The following CAMK1D variants were observed in gnomAD, a reference collection of about 807,000 sequenced individuals.
CAMK1D encodes calcium/calmodulin dependent protein kinase ID.
A neutral mutation model predicts 47.7 loss-of-function variants in CAMK1D; 9 were observed. The observed-to-expected ratio is 0.19, with a 90% confidence interval of 0.11 to 0.33. The LOEUF is 0.33. Among genes scored for constraint, CAMK1D ranks in the 10% least tolerant of loss-of-function variants. The pLI is 1.00. For synonymous variants in CAMK1D, 184 were observed against 184.9 expected, an observed-to-expected ratio of 0.99 and a Z score of 0.04; for missense variants, 291 against 488.7, an observed-to-expected ratio of 0.60 and a Z score of 3.81.
intron 3 of CAMK1D, among the ~76,000 whole-genome samples, chr10:12,704,543 T>A (rs578150102): frequency 6.6e-6 from 1 of 152,298 alleles, no homozygotes; most frequent in Non-Finnish European, 1.5e-5. Context: ...GTTATTGTGT[T>A]ATATTTTTTA....
intron 1 of CAMK1D, among the ~76,000 whole-genome samples, chr10:12,369,642 A>G (rs922979871): frequency 7.2e-5 from 11 of 152,138 alleles, no homozygotes; most frequent in Non-Finnish European, 1.5e-4. Context: ...AAAGGAATAT[A>G]TAGTTTTAAT....
At chr10:12,467,918 A>C (rs1253260576) in intron 1 of CAMK1D, among the ~76,000 whole-genome samples, 2 of 152,232 alleles carry the variant, frequency 1.3e-5, no homozygotes, top group East Asian at 3.8e-4. Flanking sequence ...GGAGTAATAG[A>C]GATAGCCTGC....
At chr10:12,681,431 C>G (rs1231837265) in intron 3 of CAMK1D, among the ~76,000 whole-genome samples, 1 of 152,252 alleles carries the variant, frequency 6.6e-6, no homozygotes, top group Non-Finnish European at 1.5e-5. Flanking sequence ...CAACACCTGA[C>G]CGCAGCGCAG....
At chr10:12,481,264 T>C (rs1021827799) in intron 1 of CAMK1D, among the ~76,000 whole-genome samples, 8 of 152,174 alleles carry the variant, frequency 5.3e-5, no homozygotes, top group Non-Finnish European at 8.8e-5. Context: ...GCATTTCTGA[T>C]GACCAGGTGG....
intron 2 of CAMK1D, among the ~76,000 whole-genome samples, chr10:12,614,379 T>C (rs1290842886): frequency 6.6e-6 from 1 of 152,238 alleles, no homozygotes; most frequent in Non-Finnish European, 1.5e-5. Flanking sequence ...GGATTGACAC[T>C]ATATACACAT....
At chr10:12,707,968 C>T (rs947595695) in intron 3 of CAMK1D, among the ~76,000 whole-genome samples, 2 of 152,148 alleles carry the variant, frequency 1.3e-5, no homozygotes, top group East Asian at 1.9e-4. Flanking sequence ...CCCCTCTGCC[C>T]GACCTGTAAC....
intron 1 of CAMK1D, among the ~76,000 whole-genome samples, chr10:12,392,749 T>A (rs1048991980): frequency 6.6e-6 from 1 of 152,152 alleles, no homozygotes; most frequent in African/African-American, 2.4e-5. Flanking sequence ...TCTCTCGAAC[T>A]TTTTCCTCCC....
chr10:12,615,076 G>A (rs1838741039), intron 2 of CAMK1D, among the ~76,000 whole-genome samples: 1 of 152,164 alleles, frequency 6.6e-6, no homozygotes, highest in African/African-American at 2.4e-5. Context: ...TCCATTCTGA[G>A]GAGGAATGGC....
intron 1 of CAMK1D, among the ~76,000 whole-genome samples, chr10:12,550,054 T>C (rs1836527800): frequency 6.6e-6 from 1 of 152,120 alleles, no homozygotes; most frequent in Admixed American, 6.5e-5. Flanking sequence ...GGAGCACCTG[T>C]GGATGGAGAG....
chr10:12,396,503 G>A (rs1838961225), intron 1 of CAMK1D, among the ~76,000 whole-genome samples: 1 of 152,200 alleles, frequency 6.6e-6, no homozygotes, highest in Non-Finnish European at 1.5e-5. Context: ...ATATGCTGTG[G>A]GGGAAAAGTA....
chr10:12,525,760 A>T lies in CAMK1D; in HGVS notation c.93-27465A>T, dbSNP rs190614477. Among the ~76,000 whole-genome samples the T allele has an allele frequency of 5.0e-3, 766 of 151,974 alleles. 2 individuals carry two copies. Among genetic ancestry groups the T allele is most frequent in the African/African-American group, 0.018 (745 of 41,426 alleles). ...AATAATTTTGGATTATATCCTGTGT[A>T]CTTTTTTGTTTTTTTGAGATAAGGT... is the stretch of plus-strand genomic sequence containing the variant. On this transcript the variant is annotated intron_variant, in intron 1 of 10. Coordinates refer to ENST00000619168, the MANE Select transcript of CAMK1D (RefSeq NM_153498.4).
chr10:12,722,919 T>G (rs1177995296), intron 3 of CAMK1D, among the ~76,000 whole-genome samples: 1 of 152,162 alleles, frequency 6.6e-6, no homozygotes, highest in Non-Finnish European at 1.5e-5. Flanking sequence ...AAGTGTTCAT[T>G]AGTATATCTC....
At chr10:12,687,031 G>A (rs1044507257) in intron 3 of CAMK1D, among the ~76,000 whole-genome samples, 23 of 152,058 alleles carry the variant, frequency 1.5e-4, no homozygotes, top group African/African-American at 1.2e-4. Flanking sequence ...TTTTTCTGGC[G>A]CAATCAGAGC....
chr10:12,709,225 A>G (rs12221101), intron 3 of CAMK1D, among the ~76,000 whole-genome samples: 18 of 152,210 alleles, frequency 1.2e-4, no homozygotes, highest in Non-Finnish European at 2.6e-4. Flanking sequence ...TTAGAAAAAA[A>G]CAAAAAGGCC....
chr10:12,737,018 G>A (rs905587254), intron 3 of CAMK1D, among the ~76,000 whole-genome samples: 7 of 152,198 alleles, frequency 4.6e-5, no homozygotes, highest in Admixed American at 3.3e-4. Context: ...GCGAGCATCC[G>A]TTGACCAATC....
At chr10:12,570,284 C>T (rs1461880840) in intron 2 of CAMK1D, among the ~76,000 whole-genome samples, 20 of 152,216 alleles carry the variant, frequency 1.3e-4, no homozygotes, top group African/African-American at 9.6e-5. Context: ...AATCCAAGAG[C>T]GCTTAAACCT....
chr10:12,694,363 G>T (rs1307852046), intron 3 of CAMK1D, among the ~76,000 whole-genome samples: 1 of 61,896 alleles, frequency 1.6e-5, no homozygotes, highest in Non-Finnish European at 2.6e-5. Context: ...TATGTTATAT[G>T]TTATATATAA....
chr10:12,530,485 G>T (rs1835769223), intron 1 of CAMK1D, among the ~76,000 whole-genome samples: 1 of 152,152 alleles, frequency 6.6e-6, no homozygotes, highest in African/African-American at 2.4e-5. Flanking sequence ...ATTCAACATG[G>T]TAGATATTCT....
chr10:12,728,710 C>T (rs1396638998), intron 3 of CAMK1D, among the ~76,000 whole-genome samples: 2 of 152,174 alleles, frequency 1.3e-5, no homozygotes, highest in African/African-American at 4.8e-5. Flanking sequence ...TTCCACTCAC[C>T]ACCCTCACCC....
Sources: allele counts gnomAD v4.1 joint callset (sites outside exome capture counted in the v4.1 genomes callset), GRCh38; gene constraint gnomAD v4.1.1; transcripts MANE v1.5; gene names NCBI Gene and HGNC (gene_info 2026-07-23, HGNC 2026-07-21).